LATS1: variants seen among roughly 807,000 people sequenced by gnomAD.
LATS1 encodes large tumor suppressor kinase 1, also known as serine/threonine-protein kinase LATS1.
LATS1 carries 25 observed loss-of-function variants against 106.6 expected under a neutral mutation model. The ratio of observed to expected loss-of-function variants is 0.23; its 90% CI spans 0.17 to 0.33. The LOEUF is 0.33. Ranked by LOEUF, LATS1 falls within the 10% of genes least tolerant of loss-of-function variation. The probability of loss-of-function intolerance (pLI) is 1.00; values close to 1 mark genes in which losing one functional copy is unlikely to be tolerated. For synonymous variants in LATS1, 465 were observed against 455.6 expected (o/e 1.02, Z -0.26); for missense variants, 1,040 against 1,382.6 (o/e 0.75, Z 3.93).
rs989044775 is a variant in LATS1, at chr6:149,661,981, T to C, written c.3141A>G (p.Leu1047=). ...TTTCTTCCTCGTTATCATCACTCCATAATTTATCAGGATCAACAGGATCAA... is the reference window on the plus strand; with the variant it reads ...TTTCTTCCTCGTTATCATCACTCCACAATTTATCAGGATCAACAGGATCAA... ...SNFDPVDPDK[L]WSDDNEEENV... The change falls in exon 8 of 8, where the codon TTA becomes TTG. Residue 1047 remains leucine (L), a synonymous_variant. Transcript: ENST00000543571. 6.2e-7 allele frequency: 1 copy of C among 1,614,184 alleles called. No individual in the cohort carries two copies. The highest frequency in any genetic ancestry group is 8.5e-7 in the Non-Finnish European group (1 of 1,180,026).
chr6:149,686,642 G>A (rs769634724), intron 3 of LATS1, among the ~76,000 whole-genome samples: 7 of 152,144 alleles, frequency 4.6e-5, no homozygotes, highest in Admixed American at 6.6e-5. Context: ...CTGGCCTAAA[G>A]ATGGGGTTCT....
chr6:149,716,138 A>T (rs1007172917), intron 1 of LATS1: 1 of 152,168 alleles, frequency 6.6e-6, no homozygotes, highest in Non-Finnish European at 1.5e-5. Context: ...TTAGGAAAAA[A>T]AAAATGATAC....
chr6:149,712,047 A>G (rs538317571), intron 1 of LATS1, among the ~76,000 whole-genome samples: 44 of 152,250 alleles, frequency 2.9e-4, no homozygotes, highest in African/African-American at 9.1e-4. Context: ...AAGAGGAACC[A>G]TATCTGGACC....
chr6:149,679,888 C>T lies in LATS1; in HGVS notation c.2580G>A (p.Lys860=). 1.3e-6 allele frequency: 2 copies of T among 1,597,438 alleles called. No homozygotes were observed. Among genetic ancestry groups the T allele is most frequent in the Non-Finnish European group, 1.7e-6 (2 of 1,172,178 alleles). Residue 860 remains lysine (K), a synonymous_variant, in exon 5 of 8, where the codon AAG becomes AAA. Coordinates refer to ENST00000543571, the MANE Select transcript of LATS1 (RefSeq NM_004690.4). The part of the protein sequence containing the change: ...CTGFRWTHDS[K]YYQSGDHPRQ... The stretch of plus-strand genomic sequence containing the variant: ...GAGTTTACTTACCACTCTGATAGTA[C>T]TTAGAATCGTGTGTCCATCTGAAGC...
chr6:149,703,421 C>T lies in LATS1; in HGVS notation c.-140-1155G>A, dbSNP rs933306070. Among the ~76,000 whole-genome samples the T allele has an allele frequency of 5.9e-5, 9 of 152,184 alleles. No individual in the cohort carries two copies. The East Asian group carries it at 1.7e-3, about 29-fold the overall frequency. On this transcript the variant is annotated intron_variant, in intron 1 of 7. Coordinates refer to ENST00000543571, the MANE Select transcript of LATS1 (RefSeq NM_004690.4). ...ACCAAATCTCATGTCGAACTTTAGT[C>T]CCCACTCTTGAAGGTGGGGTCTGGT... is the stretch of plus-strand genomic sequence containing the variant.
intron 3 of LATS1, among the ~76,000 whole-genome samples, chr6:149,694,076 T>C (rs899966849): frequency 6.6e-6 from 1 of 151,918 alleles, no homozygotes; most frequent in Non-Finnish European, 1.5e-5. Context: ...GGCAACAGAG[T>C]GAAACTCCAT....
chr6:149,662,575 T>C (rs1279406891), intron 7 of LATS1, among the ~76,000 whole-genome samples: 1 of 152,170 alleles, frequency 6.6e-6, no homozygotes, highest in Non-Finnish European at 1.5e-5. Context: ...TACTGAAATA[T>C]ATCCATTAAG....
At chr6:149,704,887 T>TACACACACACACACACACACACAC (rs57029776) in intron 1 of LATS1, among the ~76,000 whole-genome samples, 1 of 139,798 alleles carries the variant, frequency 7.2e-6, no homozygotes, top group East Asian at 2.1e-4. Flanking sequence ...AAATTAATTA[T>TACACACACACACACACACACACAC]ACACACACAC....
intron 7 of LATS1, among the ~76,000 whole-genome samples, chr6:149,662,853 C>T (rs1369163208): frequency 2.0e-5 from 3 of 151,230 alleles, no homozygotes; most frequent in African/African-American, 7.3e-5. Flanking sequence ...GTAGTCCTAG[C>T]TACTCAGGAG....
chr6:149,715,122 G>A lies in LATS1; in HGVS notation c.-141+2727C>T, dbSNP rs1167318945. Among the ~76,000 whole-genome samples the A allele has an allele frequency of 2.0e-5, 3 of 151,804 alleles. No homozygotes were observed. The East Asian group carries it at 5.8e-4, about 29-fold the overall frequency. ...GAGTCTCACTGTCGCAGGCTGGAGTGCCGTGGTGCCATCTCAGCTCACTGC... is the reference window on the plus strand; with the variant it reads ...GAGTCTCACTGTCGCAGGCTGGAGTACCGTGGTGCCATCTCAGCTCACTGC... On this transcript the variant is annotated intron_variant, in intron 1 of 7. Transcript: ENST00000543571.
chr6:149,685,960 C>A (rs1386224984), intron 3 of LATS1, among the ~76,000 whole-genome samples: 1 of 151,894 alleles, frequency 6.6e-6, no homozygotes, highest in Admixed American at 6.6e-5. Context: ...ATCATGTAAG[C>A]ACTAGAAAAA....
intron 3 of LATS1, among the ~76,000 whole-genome samples, chr6:149,692,563 G>C (rs1024533672): frequency 6.6e-6 from 1 of 152,028 alleles, no homozygotes; most frequent in Admixed American, 6.6e-5. Flanking sequence ...AAAAGGGCAA[G>C]AACTTACCCA....
chr6:149,712,927 C>T (rs752141712), intron 1 of LATS1, among the ~76,000 whole-genome samples: 5 of 151,964 alleles, frequency 3.3e-5, no homozygotes, highest in Non-Finnish European at 5.9e-5. Context: ...CCCAGGAGGT[C>T]GAGGCTGCAG....
chr6:149,684,510 T>C lies in LATS1; in HGVS notation c.579A>G (p.Pro193=). Reference sequence around the variant, plus strand: ...AATGATAGGCCACACTTTCTCCTAGTGGCGGGCCATGCCTCTGAGGAACTA... The same window carrying C: ...AATGATAGGCCACACTTTCTCCTAGCGGCGGGCCATGCCTCTGAGGAACTA... ...ESLVPQRHGP[P]LGESVAYHSE... The change falls in exon 4 of 8, where the codon CCA becomes CCG. Residue 193 remains proline, a synonymous_variant. Transcript: ENST00000543571. 1.9e-6 allele frequency: 3 copies of C among 1,614,162 alleles called. No individual in the cohort carries two copies. The highest frequency in any genetic ancestry group is 2.2e-5 in the East Asian group (1 of 44,880).
At chr6:149,707,313 C>T (rs539004416) in intron 1 of LATS1, among the ~76,000 whole-genome samples, 33 of 152,026 alleles carry the variant, frequency 2.2e-4, no homozygotes, top group African/African-American at 7.2e-4. Flanking sequence ...TGTGCCCGGC[C>T]GGACATCTCA....
intron 7 of LATS1, among the ~76,000 whole-genome samples, chr6:149,664,585 C>T (rs751090968): frequency 1.1e-4 from 17 of 152,154 alleles, no homozygotes; most frequent in Non-Finnish European, 1.9e-4. Flanking sequence ...CTGTCTCCCT[C>T]CCACAGAAGG....
At chr6:149,707,802 G>C (rs559559088) in intron 1 of LATS1, among the ~76,000 whole-genome samples, 1 of 152,272 alleles carries the variant, frequency 6.6e-6, no homozygotes, top group East Asian at 1.9e-4. Flanking sequence ...AAATGAGACA[G>C]AAGTTTTCAT....
rs17088243 is a variant in LATS1, at chr6:149,678,651, A to G, written c.2593+1224T>C. Reference sequence around the variant, plus strand: ...GAATATATGGTTAAGCACCTAGTACATAGTATTTAACAAATGTTAGATTGA... The same window carrying G: ...GAATATATGGTTAAGCACCTAGTACGTAGTATTTAACAAATGTTAGATTGA... On this transcript the variant is annotated intron_variant, in intron 5 of 7. Transcript: ENST00000543571. Among the ~76,000 whole-genome samples, 1,950 of 152,302 alleles carry G rather than the reference A, an allele frequency of 0.013. 85 individuals carry two copies. The East Asian group carries it at 0.14, about 11-fold the overall frequency.
intron 2 of LATS1, among the ~76,000 whole-genome samples, chr6:149,701,173 G>A (rs1393660076): frequency 6.6e-6 from 1 of 152,120 alleles, no homozygotes; most frequent in African/African-American, 2.4e-5. Flanking sequence ...TGCTTACAAG[G>A]TATGTTATCA....
Sources: gnomAD v4.1 joint callset for allele counts (sites outside exome capture counted in the v4.1 genomes callset) on GRCh38, gnomAD v4.1.1 for gene constraint, MANE v1.5 for transcripts, NCBI Gene and HGNC (gene_info 2026-07-23, HGNC 2026-07-21) for gene names.